RNF4: variants seen among roughly 807,000 people sequenced by gnomAD.
RNF4 encodes ring finger protein 4, also known as E3 ubiquitin-protein ligase RNF4.
A neutral mutation model predicts 24.3 loss-of-function variants in RNF4; 7 were observed. The ratio of observed to expected loss-of-function variants is 0.29; its 90% CI spans 0.16 to 0.54. The LOEUF is 0.54. Among genes scored for constraint, RNF4 ranks in the 20% least tolerant of loss-of-function variants. RNF4 has a pLI of 0.95. For missense variants in RNF4, 209 were observed against 248.5 expected (o/e 0.84, Z 1.07); for synonymous variants, 83 against 84.3 (o/e 0.98, Z 0.09).
intron 2 of RNF4, among the ~76,000 whole-genome samples, chr4:2,495,641 G>GGC (rs1553878666): frequency 1.3e-5 from 2 of 148,230 alleles, no homozygotes; most frequent in Non-Finnish European, 3.0e-5. Flanking sequence ...TTTTTTTTTG[G>GGC]GGGGGGGTGA....
At chr4:2,473,978 G>A (rs1734990273) in intron 1 of RNF4, among the ~76,000 whole-genome samples, 1 of 152,168 alleles carries the variant, frequency 6.6e-6, no homozygotes, top group Non-Finnish European at 1.5e-5. Context: ...CCACTCCAGA[G>A]GCTGAGGCAG....
intron 4 of RNF4, among the ~76,000 whole-genome samples, chr4:2,504,510 C>G (rs1023695650): frequency 2.0e-5 from 3 of 149,332 alleles, no homozygotes; most frequent in African/African-American, 4.9e-5. Flanking sequence ...TTTAAAACTT[C>G]TTTGTTTTAT....
intron 2 of RNF4, 151 bp downstream of exon 2, chr4:2,490,653 A>G (rs937904705): frequency 1.3e-5 from 9 of 715,184 alleles, no homozygotes; most frequent in Non-Finnish European, 1.8e-5. Flanking sequence ...TCTGGTGGTT[A>G]CATCAGCTTA....
intron 4 of RNF4, chr4:2,505,350 G>A (rs1043819419): frequency 2.4e-4 from 35 of 148,740 alleles, no homozygotes; most frequent in African/African-American, 8.2e-4. Flanking sequence ...TTTTGAGATG[G>A]AGTCTCGCTC....
chr4:2,471,528 G>A (rs1212713920), intron 1 of RNF4, among the ~76,000 whole-genome samples: 1 of 151,562 alleles, frequency 6.6e-6, no homozygotes, highest in East Asian at 1.9e-4. Context: ...TTTAAGTGAA[G>A]TTAAGAAATG....
At chr4:2,489,322 T>C (rs1178213387) in intron 1 of RNF4, among the ~76,000 whole-genome samples, 1 of 152,070 alleles carries the variant, frequency 6.6e-6, no homozygotes, top group Non-Finnish European at 1.5e-5. Context: ...ATGGTAATGG[T>C]GCACAGGAGG....
intron 1 of RNF4, among the ~76,000 whole-genome samples, chr4:2,484,027 ATATT>A: frequency 9.1e-6 from 1 of 109,960 alleles, no homozygotes; most frequent in East Asian, 3.1e-4. Flanking sequence ...GGGTTTCACC[ATATT>A]GTTCAGGCTG....
At chr4:2,486,295 A>G (rs938097664) in intron 1 of RNF4, among the ~76,000 whole-genome samples, 1 of 152,188 alleles carries the variant, frequency 6.6e-6, no homozygotes, top group Non-Finnish European at 1.5e-5. Context: ...TCTCACCTGC[A>G]TGATCCAGAA....
Position 2,514,305 on chromosome 4 carries a change from C to G in RNF4, c.*486C>G, listed in dbSNP as rs1435863803. 1.8e-5 allele frequency: 3 copies of G among 168,638 alleles called. No homozygotes were observed. The highest frequency in any genetic ancestry group is 1.7e-4 in the Admixed American group (3 of 18,052). 10.4% of individuals were successfully genotyped at this position (168,638 alleles called of 1,614,324 possible). A position where few individuals can be genotyped will look rare whatever the true frequency, so the allele number is the denominator to read the frequency against. On this transcript the variant is annotated 3_prime_UTR_variant, in exon 8 of 8. Coordinates refer to ENST00000314289, the MANE Select transcript of RNF4 (RefSeq NM_002938.5). ...CTTGAGGCCCTGGAAAGACCAATCA[C>G]TGGACTTCTTCCCTTGAGAGTCAGA...
Position 2,513,873 on chromosome 4 carries a change from CCAGT to C in RNF4, c.*55_*58del, listed in dbSNP as rs1736338537. The C allele has an allele frequency of 1.2e-6, 2 of 1,606,590 alleles. No homozygotes were observed. Among genetic ancestry groups the C allele is most frequent in the Non-Finnish European group, 1.7e-6 (2 of 1,174,778 alleles). Reference sequence around the variant, plus strand: ...ATGGACAGACAGACAGCCAGGTTCTCCAGTGGTATCTGCCTCCATTTTCCTGAGA... The same window carrying C: ...ATGGACAGACAGACAGCCAGGTTCTCGGTATCTGCCTCCATTTTCCTGAGA... On this transcript the variant is annotated 3_prime_UTR_variant, in exon 8 of 8. Transcript: ENST00000314289.
At chr4:2,498,933 G>A (rs1002330450) in intron 3 of RNF4, among the ~76,000 whole-genome samples, 1 of 151,864 alleles carries the variant, frequency 6.6e-6, no homozygotes, top group Non-Finnish European at 1.5e-5. Flanking sequence ...GCCATGGCTG[G>A]CTCCTATAAT....
rs974572928 is a variant in RNF4 at position 2,512,296 on chromosome 4, G to A, written c.215-142G>A. ...TCCAGAGCTGGGCAGAACCTTCTGG[G>A]TTATAGCTGAGCATGGCAGCAGTTT... On this transcript the variant is annotated intron_variant, in intron 5 of 7. Coordinates refer to ENST00000314289, the MANE Select transcript of RNF4 (RefSeq NM_002938.5). The surrounding 1 kb of genome is among the most constrained non-coding windows in gnomAD (Gnocchi z 4.1). 2.0e-6 allele frequency: 2 copies of A among 1,023,818 alleles called. No individual in the cohort carries two copies. Among genetic ancestry groups the A allele is most frequent in the Non-Finnish European group, 2.9e-6 (2 of 678,750 alleles). 63.4% of individuals were successfully genotyped at this position (1,023,818 alleles called of 1,614,324 possible). A position where few individuals can be genotyped will look rare whatever the true frequency, so the allele number is the denominator to read the frequency against.
intron 1 of RNF4, among the ~76,000 whole-genome samples, chr4:2,489,592 CCTAAT>C (rs1281700936): frequency 2.0e-5 from 3 of 152,148 alleles, no homozygotes; most frequent in South Asian, 2.1e-4. Context: ...GAAGCACTCT[CCTAAT>C]CTAAGCCACT....
chr4:2,469,733 G>A (rs758415449), intron 1 of RNF4: 1 of 152,302 alleles, frequency 6.6e-6, no homozygotes, highest in Admixed American at 6.5e-5. Flanking sequence ...GGGGCCTTTT[G>A]TAGGTCGGGA....
intron 2 of RNF4, among the ~76,000 whole-genome samples, chr4:2,495,645 G>T (rs936014490): frequency 2.0e-5 from 3 of 148,630 alleles, no homozygotes; most frequent in African/African-American, 2.5e-5. Flanking sequence ...TTTTTGGGGG[G>T]GGGTGAGATG....
chr4:2,481,129 T>C (rs1021006070), intron 1 of RNF4: 1 of 152,256 alleles, frequency 6.6e-6, no homozygotes, highest in Admixed American at 6.5e-5. Context: ...TTCACTCTCT[T>C]TGCCTCCACT....
chr4:2,493,764 AAG>A (rs1735650303), intron 2 of RNF4, among the ~76,000 whole-genome samples: 1 of 151,184 alleles, frequency 6.6e-6, no homozygotes, highest in Non-Finnish European at 1.5e-5. Context: ...AAAAAAAAAA[AAG>A]ACTTGGCTAC....
chr4:2,469,771 C>T (rs529350355), intron 1 of RNF4: 1 of 152,310 alleles, frequency 6.6e-6, no homozygotes, highest in African/African-American at 2.4e-5. Flanking sequence ...CGGGCCTGAC[C>T]GTGGGGGCGC....
intron 3 of RNF4, chr4:2,497,369 C>T (rs1474575939): frequency 6.9e-6 from 2 of 288,380 alleles, no homozygotes. Flanking sequence ...AATGAGATAG[C>T]CCACCTTTTC....
Sources: gnomAD v4.1 joint callset for allele counts (sites outside exome capture counted in the v4.1 genomes callset) on GRCh38, gnomAD v4.1.1 for gene constraint, Gnocchi (gnomAD v3.1) non-coding constraint, MANE v1.5 for transcripts, NCBI Gene and HGNC (gene_info 2026-07-23, HGNC 2026-07-21) for gene names.